The following OGFOD2 variants were observed in gnomAD, a reference collection of about 807,000 sequenced individuals.
The protein encoded by OGFOD2 is 2-oxoglutarate and iron-dependent oxygenase domain-containing protein 2.
OGFOD2 carries 34 observed loss-of-function variants against 31.1 expected under a neutral mutation model. That is an observed-to-expected ratio of 1.09 (90% CI 0.83 to 1.45). OGFOD2 has a LOEUF of 1.45. Ranked by LOEUF, OGFOD2 falls within the 40% of genes most tolerant of loss-of-function variation. The pLI is 0.00. For missense variants in OGFOD2, 537 were observed against 433.9 expected (o/e 1.24, Z -2.11); for synonymous variants, 240 against 192.3 (o/e 1.25, Z -2.05).
intron 2 of OGFOD2, 179 bp from the exon 3 acceptor site, chr12:122,976,475 A>T: frequency 1.3e-6 from 2 of 1,512,762 alleles, no homozygotes; most frequent in Non-Finnish European, 1.8e-6. Flanking sequence ...CCCTTCTAGA[A>T]GTCCCTTTCA....
At chr12:122,976,797 G>A (rs372416136) in intron 3 of OGFOD2, 30 bp downstream of exon 3, 26 of 1,604,326 alleles carry the variant, frequency 1.6e-5, no homozygotes, top group Non-Finnish European at 1.8e-5. Flanking sequence ...CTTGAAGGCC[G>A]GTACTGGAAA....
At chr12:122,978,283 C>G in intron 4 of OGFOD2, 159 bp from the exon 5 acceptor site, 5 of 845,284 alleles carry the variant, frequency 5.9e-6, no homozygotes, top group Non-Finnish European at 9.0e-6. Flanking sequence ...GGGAATCGGC[C>G]TCCCCTGCTC....
chr12:122,979,060 G>C, intron 6 of OGFOD2, 23 bp from the exon 7 acceptor site: 1 of 1,600,534 alleles, frequency 6.2e-7, no homozygotes, highest in Non-Finnish European at 8.5e-7. Context: ...TGAGTGCCCA[G>C]GCCTGAGTCG....
intron 2 of OGFOD2, chr12:122,976,407 T>A (rs1412696652): frequency 6.2e-7 from 1 of 1,613,564 alleles, no homozygotes; most frequent in Non-Finnish European, 8.5e-7. Flanking sequence ...TTGAGGTACA[T>A]CTAGGGGTTC....
chr12:122,978,526 C>G (rs199579636), exon 5 of OGFOD2: 3 of 1,613,510 alleles, frequency 1.9e-6, no homozygotes, highest in Non-Finnish European at 2.5e-6. Flanking sequence ...TTCGAGCAAT[C>G]GGACATGCCT....
intron 2 of OGFOD2, chr12:122,976,396 G>T (rs1316962817): frequency 3.1e-6 from 5 of 1,613,762 alleles, no homozygotes; most frequent in Non-Finnish European, 4.2e-6. Flanking sequence ...GGCCCAGATG[G>T]TTGAGGTACA....
intron 1 of OGFOD2, chr12:122,975,590 T>C: frequency 1.7e-6 from 1 of 596,896 alleles, no homozygotes; most frequent in South Asian, 2.0e-5. Flanking sequence ...TGAACAAGCA[T>C]GTAGGGTGCT....
Position 122,978,816 on chromosome 12 carries a change from C to T in OGFOD2, c.595C>T (p.Gln199Ter), listed in dbSNP as rs2037515167. 1 of 1,612,508 alleles carries T rather than the reference C, an allele frequency of 6.2e-7. No individual in the cohort carries two copies. Among genetic ancestry groups the T allele is most frequent in the African/African-American group, 1.3e-5 (1 of 75,066 alleles). ...GACACCACTGCGGGAGCGCTTCCTG[C>T]AGCCGCTGATGGCCCTGCTGTACCC... Residue 199 changes from glutamine to a stop codon, truncating the protein, a stop_gained, in exon 6 of 7, where the codon CAG (glutamine) becomes TAG (stop). Transcript: ENST00000228922. LOFTEE classifies it high-confidence loss of function.
At chr12:122,978,460 G>A (rs755511296) in exon 5 of OGFOD2, 13 of 1,613,528 alleles carry the variant, frequency 8.1e-6, no homozygotes, top group African/African-American at 2.7e-5. Flanking sequence ...CGCATCTACC[G>A]GGTGCCTGTT....
At position 122,975,823 on chromosome 12, in the gene OGFOD2, C is replaced by T. The variant is rs183200398; in HGVS notation, c.145C>T (p.Arg49Ter). The change falls in exon 2 of 7, where the codon CGA (arginine) becomes TGA (stop). Residue 49 changes from arginine to a stop codon, truncating the protein, a stop_gained. Coordinates refer to ENST00000228922, the Ensembl canonical transcript of OGFOD2. LOFTEE classifies it high-confidence loss of function. ...TTTCTGCTCCCAGATCCTGCGCAGC[C>T]GAGGCTGTGTTAGCGCCAAGGACTT... 1 of 702,824 alleles carries T rather than the reference C, an allele frequency of 1.4e-6. No homozygotes were observed. The highest frequency in any genetic ancestry group is 2.6e-6 in the Non-Finnish European group (1 of 384,946). The allele number at this position is 702,824 out of a possible 1,614,324, so 43.5% of individuals were successfully genotyped here.
At chr12:122,978,875 GGCCTTTGTGGTC>G (rs1386038203) in exon 6 of OGFOD2, 1 of 1,612,246 alleles carries the variant, frequency 6.2e-7, no homozygotes, top group Admixed American at 1.7e-5. Context: ...ACAGCCACCG[GGCCTTTGTGGTC>G]AAATACGCAC....
At chr12:122,975,566 T>G (rs1327545876) in intron 1 of OGFOD2, 183 bp downstream of exon 1, 1 of 591,226 alleles carries the variant, frequency 1.7e-6, no homozygotes, top group African/African-American at 1.9e-5. Context: ...CCCTGTGAGA[T>G]TGTGAGGAAG....
chr12:122,975,017 A>C, upstream of OGFOD2: 2 of 421,460 alleles, frequency 4.7e-6, no homozygotes. Flanking sequence ...AAGTGGAGCC[A>C]TTAGTCCCTG....
Position 122,978,939 on chromosome 12 carries a change from G to T in OGFOD2, c.718G>T (p.Glu240Ter). The T allele has an allele frequency of 6.2e-7, 1 of 1,613,302 alleles. No homozygotes were observed. The highest frequency in any genetic ancestry group is 8.5e-7 in the Non-Finnish European group (1 of 1,180,000). Residue 240 changes from glutamate (E) to a stop codon, truncating the protein, a stop_gained, in exon 6 of 7, where the codon GAG (glutamate) becomes TAG (stop). Transcript: ENST00000228922. LOFTEE classifies it high-confidence loss of function. ...GCTGGGCTGCCACTATGATAATGCCGAGCTCACCCTCAATGTGGCCTTGGG... is the reference window on the plus strand; with the variant it reads ...GCTGGGCTGCCACTATGATAATGCCTAGCTCACCCTCAATGTGGCCTTGGG...
At position 122,976,589 on chromosome 12, in the gene OGFOD2, T is replaced by C. The variant is rs745912477; in HGVS notation, c.190-65T>C. 22 of 1,343,310 alleles carry C rather than the reference T, an allele frequency of 1.6e-5. No homozygotes were observed. In the African/African-American group the frequency reaches 3.1e-4, roughly 19 times the overall value. 83.2% of individuals were successfully genotyped at this position (1,343,310 alleles called of 1,614,324 possible). A position where few individuals can be genotyped will look rare whatever the true frequency, so the allele number is the denominator to read the frequency against. On this transcript the variant is annotated intron_variant, in intron 2 of 6. Coordinates refer to ENST00000228922, the Ensembl canonical transcript of OGFOD2. Reference sequence around the variant, plus strand: ...TCTGGCGTTCTGGGCTTCAGTTTCTTCATCTGTACAGTGGCCTCAGGAGGA... The same window carrying C: ...TCTGGCGTTCTGGGCTTCAGTTTCTCCATCTGTACAGTGGCCTCAGGAGGA...
exon 1 of OGFOD2, chr12:122,975,246 T>A: frequency 1.5e-6 from 1 of 671,716 alleles, no homozygotes; most frequent in Non-Finnish European, 2.7e-6. Context: ...CTGTGGGTGC[T>A]TCACTATGGC....
chr12:122,976,460 G>A, intron 2 of OGFOD2, 194 bp from the exon 3 acceptor site: 3 of 1,578,076 alleles, frequency 1.9e-6, no homozygotes, highest in Non-Finnish European at 2.6e-6. Flanking sequence ...GAAACAGGAT[G>A]GGTCCCCTTC....
chr12:122,975,428 G>A, intron 1 of OGFOD2, 45 bp downstream of exon 1: 1 of 646,870 alleles, frequency 1.5e-6, no homozygotes, highest in South Asian at 1.6e-5. Flanking sequence ...GCAGAGAGGG[G>A]TAGTGGAGGA....
chr12:122,979,051 G>C (rs1481394882), intron 6 of OGFOD2, 32 bp from the exon 7 acceptor site: 3 of 1,604,060 alleles, frequency 1.9e-6, no homozygotes, highest in Non-Finnish European at 2.6e-6. Context: ...GGGCAGCTGT[G>C]AGTGCCCAGG....
Sources: allele counts gnomAD v4.1 joint callset, GRCh38; gene constraint gnomAD v4.1.1; transcripts MANE v1.5; gene names NCBI Gene and HGNC (gene_info 2026-07-23, HGNC 2026-07-21).